OGDH: variants seen among roughly 807,000 people sequenced by gnomAD.
The protein encoded by OGDH is 2-oxoglutarate dehydrogenase complex component E1.
OGDH carries 38 observed loss-of-function variants against 116.6 expected under a neutral mutation model. The ratio of observed to expected loss-of-function variants is 0.33; its 90% confidence interval spans 0.25 to 0.43. The LOEUF is 0.43. Ranked by LOEUF, OGDH falls within the 20% of genes least tolerant of loss-of-function variation. The pLI is 1.00. For missense variants in OGDH, 825 were observed against 1,357.2 expected (o/e 0.61, Z 6.16); for synonymous variants, 488 against 533.3 (o/e 0.92, Z 1.17).
chr7:44,674,684 C>A, intron 7 of OGDH, 127 bp downstream of exon 7: 1 of 1,010,260 alleles, frequency 9.9e-7, no homozygotes, highest in South Asian at 1.6e-5. Flanking sequence ...CTGGGCTCAT[C>A]TGGTACCTGA....
chr7:44,631,483 T>A (rs759308853), intron 2 of OGDH, among the ~76,000 whole-genome samples: 1 of 152,250 alleles, frequency 6.6e-6, no homozygotes, highest in Non-Finnish European at 1.5e-5. Context: ...TAACTTCACA[T>A]GTTAAGAGCA....
Position 44,693,749 on chromosome 7 carries a change from C to G in OGDH, c.1336-76C>G, listed in dbSNP as rs184764957. The G allele has an allele frequency of 2.2e-5, 30 of 1,374,098 alleles. No homozygotes were observed. In the East Asian group the frequency reaches 7.2e-4, roughly 33 times the overall value. 85.1% of individuals were successfully genotyped at this position (1,374,098 alleles called of 1,614,324 possible). On this transcript the variant is annotated intron_variant, in intron 10 of 22. Coordinates refer to ENST00000222673, the MANE Select transcript of OGDH (RefSeq NM_002541.4). ...CCAGATGGCAAGTGCATGCCATGCC[C>G]GGCCTCAGCCCCGCCCTCTGGTCCC...
At chr7:44,629,574 TCTTTTC>T (rs1488127658) in intron 2 of OGDH, among the ~76,000 whole-genome samples, 1 of 118,062 alleles carries the variant, frequency 8.5e-6, no homozygotes, top group East Asian at 2.2e-4. Flanking sequence ...TTTTTCTTTT[TCTTTTC>T]TTTTTTTTTT....
intron 2 of OGDH, among the ~76,000 whole-genome samples, chr7:44,629,762 T>A (rs1398976788): frequency 6.6e-6 from 1 of 152,056 alleles, no homozygotes; most frequent in African/African-American, 2.4e-5. Flanking sequence ...GTATTTTTAA[T>A]AAAGACGGGG....
intron 1 of OGDH, among the ~76,000 whole-genome samples, chr7:44,617,129 C>A (rs1280836403): frequency 2.0e-5 from 3 of 151,306 alleles, no homozygotes; most frequent in Non-Finnish European, 4.4e-5. Flanking sequence ...GGCGGGGTTT[C>A]AGCATGTTGG....
At chr7:44,611,181 TC>T (rs1784550008) in intron 1 of OGDH, among the ~76,000 whole-genome samples, 1 of 151,740 alleles carries the variant, frequency 6.6e-6, no homozygotes, top group Non-Finnish European at 1.5e-5. Context: ...GCTCAGGTGA[TC>T]CGGTGATCCT....
intron 3 of OGDH, among the ~76,000 whole-genome samples, chr7:44,645,788 T>C (rs964896631): frequency 3.3e-5 from 5 of 152,138 alleles, no homozygotes; most frequent in Admixed American, 3.3e-4. Flanking sequence ...GCAAGAAATA[T>C]TTGTGGGCAG....
chr7:44,697,220 G>A lies in OGDH; in HGVS notation c.2052-150G>A. 1 of 1,442,428 alleles carries A rather than the reference G, an allele frequency of 6.9e-7. No individual in the cohort carries two copies. Among genetic ancestry groups the A allele is most frequent in the South Asian group, 1.3e-5 (1 of 76,986 alleles). 89.4% of individuals were successfully genotyped at this position (1,442,428 alleles called of 1,614,324 possible). On this transcript the variant is annotated intron_variant, in intron 15 of 22. Coordinates refer to ENST00000222673, the MANE Select transcript of OGDH (RefSeq NM_002541.4). The surrounding 1 kb of genome is among the most constrained non-coding windows in gnomAD (Gnocchi z 6.0). ...TCCCTCATTTGCTATGGGTGCTTCT[G>A]TTAAGACCTGGGTGGGGCCGACCCT...
chr7:44,634,657 A>G (rs940569059), intron 2 of OGDH, among the ~76,000 whole-genome samples: 2 of 152,240 alleles, frequency 1.3e-5, no homozygotes, highest in Non-Finnish European at 2.9e-5. Flanking sequence ...ATAGAAGCCC[A>G]TTCTTAACTG....
At position 44,676,614 on chromosome 7, in the gene OGDH, GTATA is replaced by G. The variant is rs71858267; in HGVS notation, c.1206+489_1206+492del. On this transcript the variant is annotated intron_variant, in intron 9 of 22. Coordinates refer to ENST00000222673, the MANE Select transcript of OGDH (RefSeq NM_002541.4). ...TATATGTATGTATGTGTGTGTGTGT[GTATA>G]TATATATATATATATATATATATTT... The G allele has an allele frequency of 7.2e-3, 947 of 130,808 alleles. 3 individuals are homozygous for G. Among genetic ancestry groups the G allele is most frequent in the African/African-American group, 0.014 (386 of 27,540 alleles). The allele number at this position is 130,808 out of a possible 1,614,324, so 8.1% of individuals were successfully genotyped here. A position where few individuals can be genotyped will look rare whatever the true frequency, so the allele number is the denominator to read the frequency against.
intron 2 of OGDH, among the ~76,000 whole-genome samples, chr7:44,640,263 T>C (rs1785869991): frequency 6.6e-6 from 1 of 152,224 alleles, no homozygotes; most frequent in Admixed American, 6.5e-5. Context: ...CGCTCTGCTA[T>C]TACTCAGTTA....
chr7:44,701,898 G>A (rs908995291), intron 20 of OGDH, among the ~76,000 whole-genome samples: 7 of 151,936 alleles, frequency 4.6e-5, no homozygotes, highest in South Asian at 2.1e-4. Context: ...ATGGAGAAAC[G>A]CCATCTCCAC....
chr7:44,615,069 A>G (rs2117235155), intron 1 of OGDH, among the ~76,000 whole-genome samples: 1 of 151,940 alleles, frequency 6.6e-6, no homozygotes, highest in Non-Finnish European at 1.5e-5. Context: ...ACCTCAAGTG[A>G]TAACACCTAC....
intron 2 of OGDH, among the ~76,000 whole-genome samples, chr7:44,637,714 G>A (rs1365970881): frequency 6.6e-6 from 1 of 151,994 alleles, no homozygotes; most frequent in African/African-American, 2.4e-5. Context: ...GGAGGCTGAG[G>A]CAGGAGAATC....
intron 1 of OGDH, among the ~76,000 whole-genome samples, chr7:44,620,755 T>TTTTGCGA (rs1491222712): frequency 3.1e-5 from 1 of 32,022 alleles, no homozygotes; most frequent in African/African-American, 1.1e-4. Flanking sequence ...GTTTTTGCGA[T>TTTTGCGA]TTTTTTTTTT....
chr7:44,624,694 A>G, intron 2 of OGDH, 129 bp downstream of exon 2: 1 of 769,942 alleles, frequency 1.3e-6, no homozygotes, highest in East Asian at 2.5e-5. Flanking sequence ...CATACCAACC[A>G]CCGTATCTGT....
intron 2 of OGDH, among the ~76,000 whole-genome samples, chr7:44,634,781 G>A (rs1785591409): frequency 6.6e-6 from 1 of 152,198 alleles, no homozygotes. Flanking sequence ...CCTGGGCAAG[G>A]TCTGAGCAAG....
chr7:44,611,880 C>A (rs973958791), intron 1 of OGDH, among the ~76,000 whole-genome samples: 3 of 150,256 alleles, frequency 2.0e-5, no homozygotes, highest in African/African-American at 7.4e-5. Flanking sequence ...TTTTTGAGTC[C>A]TAAAGACTCA....
chr7:44,639,966 A>G (rs1229594446), intron 2 of OGDH, among the ~76,000 whole-genome samples: 1 of 152,194 alleles, frequency 6.6e-6, no homozygotes, highest in South Asian at 2.1e-4. Context: ...TCCTCAGCCA[A>G]TTGAAAATCA....
Sources: gnomAD v4.1 joint callset for allele counts (sites outside exome capture counted in the v4.1 genomes callset) on GRCh38, gnomAD v4.1.1 for gene constraint, Gnocchi (gnomAD v3.1) non-coding constraint, MANE v1.5 for transcripts, NCBI Gene and HGNC (gene_info 2026-07-23, HGNC 2026-07-21) for gene names.